SPOCK3: variants seen among roughly 807,000 people sequenced by gnomAD.
SPOCK3 encodes the protein testican-3.
Under a neutral mutation model 56.6 loss-of-function variants are expected in SPOCK3, and 30 were observed. The ratio of observed to expected loss-of-function variants is 0.53; its 90% CI spans 0.40 to 0.72. SPOCK3 has a LOEUF of 0.72. SPOCK3 is among the 30% of genes least tolerant of loss of function. The probability of loss-of-function intolerance (pLI) is 0.00; values close to 1 mark genes in which losing one functional copy is unlikely to be tolerated. For synonymous variants in SPOCK3, 196 were observed against 183.3 expected, an observed-to-expected ratio of 1.07 and a Z score of -0.56; for missense variants, 527 against 530.0, an observed-to-expected ratio of 0.99 and a Z score of 0.06.
At chr4:166,992,632 C>T (rs1215126730) in intron 4 of SPOCK3, among the ~76,000 whole-genome samples, 2 of 152,092 alleles carry the variant, frequency 1.3e-5, no homozygotes, top group Non-Finnish European at 2.9e-5. Flanking sequence ...TTACTTTGAA[C>T]CTGAGCATTT....
chr4:166,842,143 C>A (rs1295712042), intron 6 of SPOCK3, among the ~76,000 whole-genome samples: 2 of 152,148 alleles, frequency 1.3e-5, no homozygotes, highest in African/African-American at 4.8e-5. Context: ...TGTTATAGCT[C>A]ATAGAGGCAG....
rs368422737 is a variant in SPOCK3 at position 167,118,325 on chromosome 4, T to A, written c.190-55788A>T. On this transcript the variant is annotated intron_variant, in intron 2 of 10. Transcript: ENST00000357545. ...ACTAGAGGAGCTCCATAATCACTTA[T>A]AAATCCAGTGTAATTATTTCCTTAC... Among the ~76,000 whole-genome samples, 3 of 152,178 alleles carry A rather than the reference T, an allele frequency of 2.0e-5. No homozygotes were observed. In the East Asian group the frequency reaches 5.8e-4, roughly 29 times the overall value.
intron 4 of SPOCK3, among the ~76,000 whole-genome samples, chr4:166,967,381 C>A (rs548126260): frequency 1.3e-5 from 2 of 152,232 alleles, no homozygotes; most frequent in South Asian, 2.1e-4. Flanking sequence ...TGTCCACCAA[C>A]CCATATCTCA....
intron 4 of SPOCK3, among the ~76,000 whole-genome samples, chr4:166,955,880 TTTCCTGG>T (rs982583005): frequency 3.3e-5 from 5 of 152,000 alleles, no homozygotes; most frequent in African/African-American, 7.2e-5. Context: ...TTCTGTCACT[TTTCCTGG>T]AAAGCGTTCA....
chr4:167,131,408 G>A (rs528029518), intron 2 of SPOCK3, among the ~76,000 whole-genome samples: 83 of 152,108 alleles, frequency 5.5e-4, no homozygotes, highest in African/African-American at 1.9e-3. Flanking sequence ...CCAACATGGT[G>A]AAACCCCATC....
At chr4:166,794,210 C>CAAAAAAAAAAAAA (rs10710162) in intron 6 of SPOCK3, among the ~76,000 whole-genome samples, 2 of 73,624 alleles carry the variant, frequency 2.7e-5, no homozygotes, top group Non-Finnish European at 2.5e-5. Flanking sequence ...GGTGATAAGG[C>CAAAAAAAAAAAAA]AAAAAAAAAA....
At chr4:166,965,805 G>A (rs12511389) in intron 4 of SPOCK3, among the ~76,000 whole-genome samples, 26,418 of 151,848 alleles carry the variant, frequency 0.17, 2,518 homozygotes, top group African/African-American at 0.25. Flanking sequence ...ATCCCCACTA[G>A]AGCGGTACAT....
At chr4:167,027,704 TA>T (rs886905055) in intron 3 of SPOCK3, among the ~76,000 whole-genome samples, 2 of 152,052 alleles carry the variant, frequency 1.3e-5, no homozygotes, top group Non-Finnish European at 2.9e-5. Flanking sequence ...AAAATGTTAT[TA>T]AGAAAATCAT....
rs140640432 is a variant in SPOCK3 at position 166,846,852 on chromosome 4, A to G, written c.589+42278T>C. On this transcript the variant is annotated intron_variant, in intron 6 of 10. Transcript: ENST00000357545. Reference sequence around the variant, plus strand: ...AAGAAATGAACCAGAAGATTTAAAAAGAAAATTGATTCCTGATTTTCCAAG... The same window carrying G: ...AAGAAATGAACCAGAAGATTTAAAAGGAAAATTGATTCCTGATTTTCCAAG... 2.6e-4 allele frequency among the ~76,000 whole-genome samples: 39 copies of G among 152,298 alleles called. 1 individual carries two copies. The East Asian group carries it at 6.0e-3, about 23-fold the overall frequency.
intron 2 of SPOCK3, among the ~76,000 whole-genome samples, chr4:167,182,327 C>A (rs867969904): frequency 2.0e-4 from 31 of 151,526 alleles, no homozygotes; most frequent in African/African-American, 6.3e-4. Context: ...TGATCCCCCC[C>A]AATCTGATTC....
At chr4:167,109,377 TATAAAATATATAA>T (rs1760640791) in intron 2 of SPOCK3, among the ~76,000 whole-genome samples, 1 of 25,888 alleles carries the variant, frequency 3.9e-5, no homozygotes, top group Non-Finnish European at 8.4e-5. Context: ...TATATATTTA[TATAAAATATATAA>T]ATATATATTT....
At chr4:167,115,292 G>C (rs948837699) in intron 2 of SPOCK3, among the ~76,000 whole-genome samples, 1 of 146,450 alleles carries the variant, frequency 6.8e-6, no homozygotes, top group Non-Finnish European at 1.5e-5. Flanking sequence ...CAAAGTAAAA[G>C]ATATTTGCTA....
At position 167,197,089 on chromosome 4, in the gene SPOCK3, G is replaced by T. The variant is rs1484948739; in HGVS notation, c.189+36896C>A. 2.6e-5 allele frequency among the ~76,000 whole-genome samples: 4 copies of T among 152,092 alleles called. No homozygotes were observed. In the East Asian group the frequency reaches 7.7e-4, roughly 29 times the overall value. The stretch of plus-strand genomic sequence containing the variant: ...GGTGTGAGGGTGTGACTCATTGAGG[G>T]TTACCTTAGGGTGCATCTACCAGGC... On this transcript the variant is annotated intron_variant, in intron 2 of 10. Coordinates refer to ENST00000357545, the MANE Select transcript of SPOCK3 (RefSeq NM_001040159.2).
intron 5 of SPOCK3, among the ~76,000 whole-genome samples, chr4:166,898,252 G>T (rs1274373228): frequency 6.6e-6 from 1 of 152,104 alleles, no homozygotes; most frequent in African/African-American, 2.4e-5. Flanking sequence ...GGCTCAAACT[G>T]TTCCAATGGT....
intron 2 of SPOCK3, among the ~76,000 whole-genome samples, chr4:167,076,370 C>T (rs1757186485): frequency 6.6e-6 from 1 of 151,722 alleles, no homozygotes; most frequent in South Asian, 2.1e-4. Context: ...GGATGTTGAT[C>T]ATGGGAGACT....
Position 166,989,633 on chromosome 4 carries a change from C to T in SPOCK3, c.350+10716G>A, listed in dbSNP as rs539575691. ...TTCTTCAAAACACTTACACAGTCTC[C>T]TATGCTTTTAACCAATGAAAAAGTT... is the stretch of plus-strand genomic sequence containing the variant. On this transcript the variant is annotated intron_variant, in intron 4 of 10. Coordinates refer to ENST00000357545, the MANE Select transcript of SPOCK3 (RefSeq NM_001040159.2). Among the ~76,000 whole-genome samples the T allele has an allele frequency of 7.2e-5, 11 of 152,232 alleles. 1 individual carries two copies. The highest frequency in any genetic ancestry group is 3.3e-4 in the Admixed American group (5 of 15,264).
intron 3 of SPOCK3, among the ~76,000 whole-genome samples, chr4:167,037,690 G>A (rs549245633): frequency 1.3e-5 from 2 of 152,208 alleles, no homozygotes; most frequent in East Asian, 1.9e-4. Context: ...CCAAATGGAA[G>A]AGAAACAAAG....
intron 2 of SPOCK3, among the ~76,000 whole-genome samples, chr4:167,167,251 TA>T (rs1378808293): frequency 1.3e-5 from 2 of 152,148 alleles, no homozygotes; most frequent in Non-Finnish European, 2.9e-5. Flanking sequence ...TTTGAATTTT[TA>T]AAAAATAGTT....
intron 4 of SPOCK3, among the ~76,000 whole-genome samples, chr4:166,948,530 TA>T (rs1219906625): frequency 6.6e-6 from 1 of 152,182 alleles, no homozygotes; most frequent in African/African-American, 2.4e-5. Flanking sequence ...CATTTTTTTT[TA>T]TCTTCTGACT....
Sources: gnomAD v4.1 joint callset for allele counts (sites outside exome capture counted in the v4.1 genomes callset) on GRCh38, gnomAD v4.1.1 for gene constraint, MANE v1.5 for transcripts, NCBI Gene and HGNC (gene_info 2026-07-23, HGNC 2026-07-21) for gene names.